The following ERI1 variants were observed in gnomAD, a reference collection of about 807,000 sequenced individuals.
ERI1 encodes exoribonuclease 1.
A neutral mutation model predicts 39.7 loss-of-function variants in ERI1; 39 were observed. The observed-to-expected ratio is 0.98, with a 90% CI of 0.76 to 1.28. The LOEUF (loss-of-function observed/expected upper bound fraction) is 1.28, where lower values mean the gene tolerates loss of function less well. Among genes scored for constraint, ERI1 ranks in the 50% most tolerant of loss-of-function variants. The pLI is 0.00. For missense variants in ERI1, 581 were observed against 416.9 expected (o/e 1.39, Z -3.43); for synonymous variants, 204 against 149.6 (o/e 1.36, Z -2.65).
chr8:9,061,134 A>G (rs754006372), intron 3 of ERI1, among the ~76,000 whole-genome samples: 2 of 152,236 alleles, frequency 1.3e-5, no homozygotes, highest in Non-Finnish European at 2.9e-5. Flanking sequence ...GGAAGATACT[A>G]TAGCATAGCC....
chr8:9,024,674 C>G (rs1036082), intron 6 of ERI1, among the ~76,000 whole-genome samples: 2 of 151,940 alleles, frequency 1.3e-5, no homozygotes, highest in African/African-American at 2.4e-5. Context: ...TCTGCCCCCC[C>G]TCGGCCTCCT....
intron 6 of ERI1, among the ~76,000 whole-genome samples, chr8:9,023,454 C>T (rs1375663190): frequency 1.3e-5 from 2 of 152,214 alleles, no homozygotes; most frequent in East Asian, 3.9e-4. Context: ...CATAAATCTA[C>T]AGCTCACAGT....
intron 3 of ERI1, among the ~76,000 whole-genome samples, chr8:9,090,148 G>T (rs1392821811): frequency 6.6e-6 from 1 of 152,150 alleles, no homozygotes; most frequent in East Asian, 1.9e-4. Context: ...CTCCTTGTAA[G>T]CAAACCTTAT....
rs1212703486 is a variant in ERI1, at chr8:9,030,170, A to G, written c.*136A>G. ...AAATCTTATTACAGGTGATAGAGAT[A>G]GATACATGTATGTGAACAGATTTTG... On this transcript the variant is annotated 3_prime_UTR_variant, in exon 7 of 7. Coordinates refer to ENST00000250263, the MANE Select transcript of ERI1 (RefSeq NM_153332.4). 8.6e-6 allele frequency: 10 copies of G among 1,162,342 alleles called. No homozygotes were observed. The highest frequency in any genetic ancestry group is 7.7e-5 in the East Asian group (3 of 39,084). 72.0% of individuals were successfully genotyped at this position (1,162,342 alleles called of 1,614,324 possible). A position where few individuals can be genotyped will look rare whatever the true frequency, so the allele number is the denominator to read the frequency against.
chr8:9,009,165 C>T (rs959627083), intron 2 of ERI1: 2 of 443,232 alleles, frequency 4.5e-6, no homozygotes, highest in Admixed American at 5.0e-5. Flanking sequence ...ATTCAACAAG[C>T]CTGTATTGAA....
chr8:9,048,171 A>T (rs922730193), intron 3 of ERI1, among the ~76,000 whole-genome samples: 11 of 152,212 alleles, frequency 7.2e-5, no homozygotes, highest in African/African-American at 2.2e-4. Context: ...TTGTCTGCGT[A>T]CTGGAGTCAT....
chr8:9,088,465 G>C (rs1799597999), intron 3 of ERI1: 2 of 152,226 alleles, frequency 1.3e-5, no homozygotes, highest in South Asian at 4.1e-4. Flanking sequence ...TAAAGAGAAA[G>C]AGGAAAGGAC....
intron 3 of ERI1, among the ~76,000 whole-genome samples, chr8:9,073,341 A>G (rs1423688272): frequency 3.9e-5 from 6 of 152,286 alleles, no homozygotes; most frequent in African/African-American, 1.4e-4. Flanking sequence ...GATATTGTCT[A>G]CTCTTAGTAA....
At chr8:9,011,299 T>C (rs1376067077) in intron 2 of ERI1, among the ~76,000 whole-genome samples, 1 of 152,170 alleles carries the variant, frequency 6.6e-6, no homozygotes, top group East Asian at 1.9e-4. Context: ...GAAAATACTG[T>C]TATATACTAC....
At chr8:9,069,219 C>T (rs975238356) in intron 3 of ERI1, among the ~76,000 whole-genome samples, 2 of 152,220 alleles carry the variant, frequency 1.3e-5, no homozygotes, top group African/African-American at 4.8e-5. Flanking sequence ...TCAGAATTCA[C>T]AATCCCATTA....
At chr8:9,090,099 C>A (rs143596785) in intron 3 of ERI1, among the ~76,000 whole-genome samples, 1 of 152,294 alleles carries the variant, frequency 6.6e-6, no homozygotes, top group African/African-American at 2.4e-5. Context: ...CCGGGAGACA[C>A]AGACAGGCAC....
intron 1 of ERI1, among the ~76,000 whole-genome samples, chr8:9,003,818 A>C (rs1387994245): frequency 6.6e-6 from 1 of 152,208 alleles, no homozygotes; most frequent in Non-Finnish European, 1.5e-5. Flanking sequence ...TTGAATACTA[A>C]AATTGATCTT....
Position 9,004,150 on chromosome 8 carries a change from G to A in ERI1, c.108+979G>A. ...GATCTCTGTATGTTCCTTTTGCCCT[G>A]TGTGCACTTCCTTTGGATCCTTGCA... On this transcript the variant is annotated intron_variant, in intron 1 of 6. Coordinates refer to ENST00000250263, the MANE Select transcript of ERI1 (RefSeq NM_153332.4). 4 of 1,289,130 alleles carry A rather than the reference G, an allele frequency of 3.1e-6. No individual in the cohort carries two copies. The South Asian group carries it at 3.7e-5, about 12-fold the overall frequency. 79.9% of individuals were successfully genotyped at this position (1,289,130 alleles called of 1,614,324 possible). A position where few individuals can be genotyped will look rare whatever the true frequency, so the allele number is the denominator to read the frequency against.
At chr8:9,037,484 G>A (rs1047304353), downstream of ERI1, among the ~76,000 whole-genome samples, 2 of 150,746 alleles carry the variant, frequency 1.3e-5, no homozygotes, top group East Asian at 3.9e-4. Context: ...AGATTCATAT[G>A]TACTGTATTG....
intron 3 of ERI1, among the ~76,000 whole-genome samples, chr8:9,076,494 T>C (rs939332653): frequency 6.6e-6 from 1 of 152,214 alleles, no homozygotes; most frequent in Non-Finnish European, 1.5e-5. Context: ...TGAGAACTCA[T>C]CTGGGCCTTG....
downstream of ERI1, among the ~76,000 whole-genome samples, chr8:9,033,648 T>TG (rs1797739558): frequency 6.6e-6 from 1 of 152,266 alleles, no homozygotes; most frequent in Non-Finnish European, 1.5e-5. Context: ...AATCTGGTGA[T>TG]GGAGAGAGGC....
At chr8:9,052,320 T>C (rs1375937042) in intron 3 of ERI1, among the ~76,000 whole-genome samples, 1 of 152,094 alleles carries the variant, frequency 6.6e-6, no homozygotes, top group Non-Finnish European at 1.5e-5. Context: ...AGATATACTT[T>C]TTTTTTTTCC....
chr8:9,066,553 G>A (rs541466343), intron 3 of ERI1, among the ~76,000 whole-genome samples: 72 of 152,306 alleles, frequency 4.7e-4, no homozygotes, highest in Middle Eastern at 3.4e-3. Context: ...GTGAAGGAGG[G>A]TGACAAATGA....
At chr8:9,056,450 G>A (rs1000844857) in intron 3 of ERI1, among the ~76,000 whole-genome samples, 14 of 152,186 alleles carry the variant, frequency 9.2e-5, no homozygotes, top group African/African-American at 3.1e-4. Flanking sequence ...GCTTAACCAT[G>A]TTCTTATGGC....
Sources: gnomAD v4.1 joint callset for allele counts (sites outside exome capture counted in the v4.1 genomes callset) on GRCh38, gnomAD v4.1.1 for gene constraint, MANE v1.5 for transcripts, NCBI Gene and HGNC (gene_info 2026-07-23, HGNC 2026-07-21) for gene names.